NOP2: variants seen among roughly 807,000 people sequenced by gnomAD.
NOP2 encodes the protein 28S rRNA (cytosine(4447)-C(5))-methyltransferase.
NOP2 carries 7 observed loss-of-function variants against 72.7 expected under a neutral mutation model. That is an observed-to-expected ratio of 0.10 (90% CI 0.05 to 0.18). NOP2 has a LOEUF of 0.18. NOP2 is among the 10% of genes least tolerant of loss of function. NOP2 has a pLI of 1.00. For missense variants in NOP2, 954 were observed against 1,014.7 expected (o/e 0.94, Z 0.81); for synonymous variants, 387 against 388.0 (o/e 1.00, Z 0.03).
Position 6,557,198 on chromosome 12 carries a change from T to C in NOP2, c.2234A>G (p.His745Arg). Residue 745 changes from histidine to arginine, a missense_variant, in exon 16 of 16, where the codon CAT becomes CGT. By Grantham distance (29) the His-to-Arg change is conservative (BLOSUM62 0). This residue lies in a region of NOP2 where 269 missense variants were observed against 260.2 expected (regional missense o/e 1.03). Coordinates refer to ENST00000322166, the MANE Select transcript of NOP2 (RefSeq NM_001258308.2). ...KTQATLKPKD[H>R]HQPLGRAKGV... ...CTTGGCCCTTCCAAGGGGCTGATGA[T>C]GGTCCTTAGGTTTCAGGGTGGCCTG... 1 of 1,614,002 alleles carries C rather than the reference T, an allele frequency of 6.2e-7. No individual in the cohort carries two copies. The highest frequency in any genetic ancestry group is 8.5e-7 in the Non-Finnish European group (1 of 1,179,884).
In NOP2 at chr12:6,557,392, A is replaced by C. The variant is rs770867434; in HGVS notation, c.2040T>G (p.Ser680Arg). 1 of 1,614,030 alleles carries C rather than the reference A, an allele frequency of 6.2e-7. No homozygotes were observed. The highest frequency in any genetic ancestry group is 8.5e-7 in the Non-Finnish European group (1 of 1,179,896). Residue 680 changes from serine (S) to arginine (R), a missense_variant, in exon 16 of 16, where the codon AGT becomes AGG. Ser to Arg is a moderately radical substitution (Grantham distance 110). This residue lies in a region of NOP2 where 269 missense variants were observed against 260.2 expected (regional missense o/e 1.03). Coordinates refer to ENST00000322166, the MANE Select transcript of NOP2 (RefSeq NM_001258308.2). The stretch of plus-strand genomic sequence containing the variant: ...TCCCTTCGGCTTTTCCAGCTGGCTG[A>C]CTGCTATCCTGGAAGCTGGAGGAAG... ...TQASSSFQDS[S>R]QPAGKAEGIR...
chr12:6,560,679 C>T lies in NOP2; in HGVS notation c.1437+19G>A. ...GACCCAGCCAAGGCCTCTCAGGGGC[C>T]CACCACCTGACTCCTCACCTTGTTA... On this transcript the variant is annotated intron_variant, in intron 13 of 15. Transcript: ENST00000322166. The surrounding 1 kb of genome is among the most constrained non-coding windows in gnomAD (Gnocchi z 5.0). 1 of 1,613,014 alleles carries T rather than the reference C, an allele frequency of 6.2e-7. No individual in the cohort carries two copies. Among genetic ancestry groups the T allele is most frequent in the Non-Finnish European group, 8.5e-7 (1 of 1,179,320 alleles).
Position 6,563,071 on chromosome 12 carries a change from C to T in NOP2, c.978+10G>A, listed in dbSNP as rs1171671795. 4.5e-6 allele frequency: 7 copies of T among 1,572,194 alleles called. No individual in the cohort carries two copies. The South Asian group carries it at 7.0e-5, about 16-fold the overall frequency. ...TCTGAGATGAGTGAGCCTCAAAGGC[C>T]ACCCCTCACCTGTGCAAGGTCTCGG... On this transcript the variant is annotated intron_variant, in intron 9 of 15. Coordinates refer to ENST00000322166, the MANE Select transcript of NOP2 (RefSeq NM_001258308.2).
Position 6,557,113 on chromosome 12 carries a change from C to T in NOP2, c.2319G>A (p.Gln773=). The change falls in exon 16 of 16, where the codon CAG becomes CAA. Residue 773 remains glutamine (Q), a synonymous_variant. Coordinates refer to ENST00000322166, the MANE Select transcript of NOP2 (RefSeq NM_001258308.2). ...GCTGAGGCCCCTTGGGGGTATCATT[C>T]TGTTTCTGGAAGGCAGCTTTCTCAA... ...QPFEKAAFQK[Q]NDTPKGPQPP... The T allele has an allele frequency of 6.2e-7, 1 of 1,614,016 alleles. No homozygotes were observed. Among genetic ancestry groups the T allele is most frequent in the Non-Finnish European group, 8.5e-7 (1 of 1,179,898 alleles).
rs375560827 is a variant in NOP2, at chr12:6,557,033, T to C, written c.2399A>G (p.Lys800Arg). ...CTGGCTGTTGCCCCTGGACTGAGAT[T>C]TCTTCCTCTTTGCTGGTGGGGGGCG... Reference protein sequence around the residue: ...SSRPPPAKRKKSQSRGNSQLL... With the variant: ...SSRPPPAKRKRSQSRGNSQLL... Residue 800 changes from lysine (K) to arginine (R), a missense_variant, in exon 16 of 16, where the codon AAA becomes AGA. By Grantham distance (26) the Lys-to-Arg change is conservative (BLOSUM62 2). Transcript: ENST00000322166. The C allele has an allele frequency of 1.2e-6, 2 of 1,614,026 alleles. No individual in the cohort carries two copies. Among genetic ancestry groups the C allele is most frequent in the African/African-American group, 2.7e-5 (2 of 75,056 alleles).
chr12:6,566,868 TA>T (rs751207082), intron 2 of NOP2, 46 bp from the exon 3 acceptor site: 3 of 1,490,018 alleles, frequency 2.0e-6, no homozygotes, highest in Non-Finnish European at 2.8e-6. Flanking sequence ...CAGGGGACAT[TA>T]AAAATAAATG....
At chr12:6,558,911 T>A (rs1046417252) in intron 15 of NOP2, among the ~76,000 whole-genome samples, 3 of 152,216 alleles carry the variant, frequency 2.0e-5, no homozygotes, top group African/African-American at 7.2e-5. Flanking sequence ...TGAATTGTGA[T>A]GAAGTGCGGG....
chr12:6,562,173 T>C (rs567959510), intron 9 of NOP2, among the ~76,000 whole-genome samples: 6 of 152,120 alleles, frequency 3.9e-5, no homozygotes, highest in South Asian at 2.1e-4. Flanking sequence ...GTATTTTTCA[T>C]AGGATGGGGT....
Position 6,566,940 on chromosome 12 carries a change from C to G in NOP2, c.104-118G>C, listed in dbSNP as rs1288663374. 3 of 801,344 alleles carry G rather than the reference C, an allele frequency of 3.7e-6. No homozygotes were observed. In the African/African-American group the frequency reaches 5.3e-5, roughly 14 times the overall value. The allele number at this position is 801,344 out of a possible 1,614,324, so 49.6% of individuals were successfully genotyped here. ...CTAATTAAAAGGAGTCCATTTAAAT[C>G]TCAGCCCTGTTATTATTTAATAACT... On this transcript the variant is annotated intron_variant, in intron 2 of 15. Transcript: ENST00000322166.
At position 6,557,213 on chromosome 12, in the gene NOP2, A is replaced by G. The variant is rs371746987; in HGVS notation, c.2219T>C (p.Leu740Pro). The G allele has an allele frequency of 6.9e-5, 112 of 1,613,962 alleles. 1 individual carries two copies. The Middle Eastern group carries it at 0.012, about 176-fold the overall frequency. ...VLSPSKTQAT[L>P]KPKDHHQPLG... ...GGGCTGATGATGGTCCTTAGGTTTC[A>G]GGGTGGCCTGAGTCTTGGATGGGGA... Residue 740 changes from leucine (L) to proline (P), a missense_variant, in exon 16 of 16, where the codon CTG (leucine) becomes CCG (proline). Physicochemically the swap from Leu to Pro is moderately conservative, Grantham distance 98. Transcript: ENST00000322166.
At position 6,557,286 on chromosome 12, in the gene NOP2, G is replaced by A; in HGVS notation, c.2146C>T (p.Gln716Ter). The A allele has an allele frequency of 1.9e-6, 3 of 1,614,028 alleles. No individual in the cohort carries two copies. Among genetic ancestry groups the A allele is most frequent in the Middle Eastern group, 1.6e-4 (1 of 6,062 alleles). The change falls in exon 16 of 16, where the codon CAG (glutamine) becomes TAG (stop). Residue 716 changes from glutamine to a stop codon, truncating the protein, a stop_gained. Transcript: ENST00000322166. LOFTEE classifies it low-confidence loss of function (END_TRUNC). ...QSSKKVAFLR[Q>*]NAPPKGTDTQ... is the part of the protein sequence containing the mutation. ...TCTGTGCCCTTGGGAGGGGCATTCT[G>A]CCTGAGGAAAGCAACTTTCTTGGAG... is the stretch of plus-strand genomic sequence containing the variant.
Position 6,566,267 on chromosome 12 carries a change from C to T in NOP2, c.308G>A (p.Gly103Asp), listed in dbSNP as rs368341240. The T allele has an allele frequency of 1.2e-6, 2 of 1,613,968 alleles. No individual in the cohort carries two copies. The highest frequency in any genetic ancestry group is 1.7e-6 in the Non-Finnish European group (2 of 1,179,880). ...GPQSLFNAPRGKKRPAPGSDE... is the reference protein window; with the variant it reads ...GPQSLFNAPRDKKRPAPGSDE... The stretch of plus-strand genomic sequence containing the variant: ...ACTGCCAGGTGCTGGGCGCTTCTTG[C>T]CTCGAGGAGCATTAAATAGGGACTG... Residue 103 changes from glycine (G) to aspartate (D), a missense_variant, in exon 5 of 16, where the codon GGC becomes GAC. Gly to Asp is a moderately conservative substitution (Grantham distance 94). Around this residue, in one of 3 missense-constraint regions of NOP2, gnomAD observed 498 missense variants for 478.3 expected, o/e 1.04. Coordinates refer to ENST00000322166, the MANE Select transcript of NOP2 (RefSeq NM_001258308.2).
At chr12:6,567,177 G>A (rs1314522207) in intron 2 of NOP2, among the ~76,000 whole-genome samples, 2 of 151,928 alleles carry the variant, frequency 1.3e-5, no homozygotes, top group Non-Finnish European at 2.9e-5. Context: ...CTCGAACACT[G>A]GACCTCAGGT....
intron 5 of NOP2, 82 bp from the exon 6 acceptor site, chr12:6,564,028 T>C (rs763321985): frequency 3.9e-5 from 61 of 1,550,540 alleles, no homozygotes; most frequent in Non-Finnish European, 5.0e-5. Flanking sequence ...TCTTATTTTT[T>C]CGCTAAATAA....
chr12:6,560,311 A>C lies in NOP2; in HGVS notation c.1576T>G (p.Trp526Gly). 6.2e-7 allele frequency: 1 copy of C among 1,613,604 alleles called. No individual in the cohort carries two copies. The highest frequency in any genetic ancestry group is 1.7e-5 in the Admixed American group (1 of 60,002). Reference protein sequence around the residue: ...TCSITVEENEWVVDYALKKRN... With the variant: ...TCSITVEENEGVVDYALKKRN... ...TTTTTCAGAGCATAGTCTACCACCC[A>C]CTCATTCTCTTCTACCTGGATGTGG... Residue 526 changes from tryptophan to glycine, a missense_variant, in exon 15 of 16, where the codon TGG becomes GGG. Physicochemically the swap from Trp to Gly is radical, Grantham distance 184 (BLOSUM62 -2). Transcript: ENST00000322166. This position sits in a 1 kb window ranked among gnomAD's most constrained non-coding sequence, Gnocchi z 5.0.
Position 6,563,520 on chromosome 12 carries a change from C to T in NOP2, c.689-6G>A, listed in dbSNP as rs1385747836. On this transcript the variant is annotated splice_region_variant and splice_polypyrimidine_tract_variant and intron_variant, in intron 7 of 15. Transcript: ENST00000322166. ...CAGGTCTGGAGCCTGGGCATGTGGG[C>T]CTGTTAAGGAACTGTGTCATGATGT... 3.7e-6 allele frequency: 6 copies of T among 1,612,346 alleles called. No individual in the cohort carries two copies. The East Asian group carries it at 1.3e-4, about 36-fold the overall frequency.
Position 6,560,741 on chromosome 12 carries a change from C to A in NOP2, c.1394G>T (p.Gly465Val). Residue 465 changes from glycine to valine, a missense_variant, in exon 13 of 16, where the codon GGC becomes GTC. Gly to Val is a moderately radical substitution (Grantham distance 109, BLOSUM62 -3). Coordinates refer to ENST00000322166, the MANE Select transcript of NOP2 (RefSeq NM_001258308.2). The surrounding 1 kb of genome is among the most constrained non-coding windows in gnomAD (Gnocchi z 5.0). The stretch of plus-strand genomic sequence containing the variant: ...TGGATCCTTGGAGATGACCCCAGTG[C>A]CACTGCAGGGAGCATCCAGCAGTAC... ...DRVLLDAPCS[G>V]TGVISKDPAV... 3 of 1,613,510 alleles carry A rather than the reference C, an allele frequency of 1.9e-6. No homozygotes were observed. Among genetic ancestry groups the A allele is most frequent in the Non-Finnish European group, 2.5e-6 (3 of 1,179,748 alleles).
chr12:6,563,870 C>T, intron 6 of NOP2, 21 bp downstream of exon 6: 3 of 1,613,806 alleles, frequency 1.9e-6, no homozygotes, highest in Non-Finnish European at 2.5e-6. Flanking sequence ...ATGCTCCATC[C>T]CAATAGCTTC....
chr12:6,562,071 C>T (rs1162715143), intron 9 of NOP2, 100 bp from the exon 10 acceptor site: 2 of 839,890 alleles, frequency 2.4e-6, no homozygotes, highest in African/African-American at 3.4e-5. Context: ...TCACAGCAAC[C>T]TCCACCTCCC....
Sources: allele counts gnomAD v4.1 joint callset (sites outside exome capture counted in the v4.1 genomes callset), GRCh38; gene constraint gnomAD v4.1.1; regional missense constraint gnomAD v4.1.1; non-coding constraint Gnocchi (gnomAD v3.1); transcripts MANE v1.5; gene names NCBI Gene and HGNC (gene_info 2026-07-23, HGNC 2026-07-21).